The following DGCR2 variants were observed in gnomAD, a reference collection of about 807,000 sequenced individuals.
DGCR2 encodes integral membrane protein DGCR2/IDD.
Under a neutral mutation model 51.6 loss-of-function variants are expected in DGCR2, and 24 were observed. The ratio of observed to expected loss-of-function variants is 0.47; its 90% CI spans 0.34 to 0.65. The LOEUF is 0.65. DGCR2 is among the 30% of genes least tolerant of loss of function. DGCR2 has a pLI of 0.01. For synonymous variants in DGCR2, 340 were observed against 315.4 expected, an observed-to-expected ratio of 1.08 and a Z score of -0.82; for missense variants, 765 against 772.1, an observed-to-expected ratio of 0.99 and a Z score of 0.11.
At chr22:19,120,072 A>G (rs1294130990) in intron 1 of DGCR2, among the ~76,000 whole-genome samples, 2 of 152,176 alleles carry the variant, frequency 1.3e-5, no homozygotes, top group African/African-American at 4.8e-5. Context: ...TGAATGTGTG[A>G]AGAGGCACAC....
intron 2 of DGCR2, among the ~76,000 whole-genome samples, chr22:19,075,413 C>CT (rs2082864192): frequency 6.6e-6 from 1 of 151,680 alleles, no homozygotes; most frequent in African/African-American, 2.4e-5. Context: ...TGCCACTGCA[C>CT]TCCAGCCTGG....
At chr22:19,041,408 T>A in intron 8 of DGCR2, 114 bp from the exon 9 acceptor site, 3 of 996,510 alleles carry the variant, frequency 3.0e-6, no homozygotes, top group South Asian at 3.0e-5. Flanking sequence ...TGCACACACC[T>A]GTGCCCCGCT....
chr22:19,092,356 A>C (rs569585010), intron 1 of DGCR2, among the ~76,000 whole-genome samples: 12 of 151,864 alleles, frequency 7.9e-5, no homozygotes, highest in Non-Finnish European at 1.5e-4. Flanking sequence ...AAAAAAAAAA[A>C]TACTACTATC....
At chr22:19,064,137 TG>T (rs1380846402) in intron 4 of DGCR2, among the ~76,000 whole-genome samples, 1 of 152,212 alleles carries the variant, frequency 6.6e-6, no homozygotes, top group Non-Finnish European at 1.5e-5. Flanking sequence ...AGCCTAGAGA[TG>T]CCCATCAGCA....
chr22:19,050,792 A>AG (rs1247188151), intron 6 of DGCR2, among the ~76,000 whole-genome samples: 2 of 152,254 alleles, frequency 1.3e-5, no homozygotes, highest in Non-Finnish European at 2.9e-5. Flanking sequence ...AACATGTCCT[A>AG]GACTTAAATG....
intron 1 of DGCR2, among the ~76,000 whole-genome samples, chr22:19,090,690 T>C (rs558836146): frequency 1.3e-5 from 2 of 152,210 alleles, no homozygotes; most frequent in South Asian, 2.1e-4. Context: ...AAACTACAGG[T>C]AAAGTGGTCC....
At chr22:19,081,370 A>G (rs2082934790) in intron 2 of DGCR2, among the ~76,000 whole-genome samples, 1 of 152,234 alleles carries the variant, frequency 6.6e-6, no homozygotes, top group East Asian at 1.9e-4. Context: ...TATAAGTAAT[A>G]TAACGATCTG....
chr22:19,074,597 G>T (rs2082853929), intron 2 of DGCR2, among the ~76,000 whole-genome samples: 1 of 151,994 alleles, frequency 6.6e-6, no homozygotes, highest in South Asian at 2.1e-4. Flanking sequence ...GGAATTTAAA[G>T]ACACACAGAT....
At chr22:19,044,464 A>C (rs1275769928) in intron 7 of DGCR2, among the ~76,000 whole-genome samples, 1 of 152,250 alleles carries the variant, frequency 6.6e-6, no homozygotes, top group Admixed American at 6.5e-5. Context: ...GGGGAGCAGA[A>C]GGTCAGCAGG....
At chr22:19,103,284 T>TA (rs361955) in intron 1 of DGCR2, among the ~76,000 whole-genome samples, 26,080 of 134,574 alleles carry the variant, frequency 0.19, 2,369 homozygotes, top group South Asian at 0.31. Flanking sequence ...TTTGGGATGA[T>TA]AAAAAAAAAA....
chr22:19,081,790 C>T (rs1179082723), intron 2 of DGCR2, among the ~76,000 whole-genome samples: 2 of 152,240 alleles, frequency 1.3e-5, no homozygotes, highest in Non-Finnish European at 2.9e-5. Context: ...AAAATTTCCA[C>T]ACTATCCATA....
chr22:19,120,538 T>C (rs974983850), intron 1 of DGCR2, among the ~76,000 whole-genome samples: 1 of 152,120 alleles, frequency 6.6e-6, no homozygotes, highest in African/African-American at 2.4e-5. Context: ...TGCTGGCCAG[T>C]TGGCAGGCTA....
Position 19,041,118 on chromosome 22 carries a change from C to A in DGCR2, c.1336G>T (p.Asp446Tyr). ...YKYPDIGQPDDPPPPYEASIH... is the reference protein window; with the variant it reads ...YKYPDIGQPDYPPPPYEASIH... ...GAGGCCTCGTAGGGCGGCGGAGGGT[C>A]GTCGGGCTGGCCGATGTCCGGGTAC... is the stretch of plus-strand genomic sequence containing the variant. The change falls in exon 9 of 10, where the codon GAC (aspartate) becomes TAC (tyrosine). Residue 446 changes from aspartate (D) to tyrosine (Y), a missense_variant. By Grantham distance (160) the Asp-to-Tyr change is radical (BLOSUM62 -3). Around this residue, in one of 3 missense-constraint regions of DGCR2, gnomAD observed 205 missense variants for 181.4 expected, o/e 1.13. Transcript: ENST00000263196. The A allele has an allele frequency of 6.2e-7, 1 of 1,613,642 alleles. No homozygotes were observed.
rs750199053 is a variant in DGCR2, at chr22:19,057,053, C to A, written c.735G>T (p.Arg245=). 1.1e-5 allele frequency: 17 copies of A among 1,598,772 alleles called. No homozygotes were observed. In the Middle Eastern group the frequency reaches 6.6e-4, roughly 62 times the overall value. The change falls in exon 6 of 10, where the codon CGG becomes CGT. Residue 245 remains arginine, a synonymous_variant. Transcript: ENST00000263196. This position sits in a 1 kb window ranked among gnomAD's most constrained non-coding sequence, Gnocchi z 5.1. The part of the protein sequence containing the change: ...QLQCFHFPTL[R]HHDLHSWHAE... ...CGTGCCAGCTGTGGAGGTCGTGGTG[C>A]CGCAGGGTGGGGAAATGGAAGCACT...
chr22:19,122,075 C>A, intron 1 of DGCR2, 53 bp downstream of exon 1: 4 of 1,373,594 alleles, frequency 2.9e-6, no homozygotes, highest in African/African-American at 1.5e-5. Context: ...CCCGGGGCGA[C>A]CCCGGCCCCG....
chr22:19,066,684 G>C (rs921454358), intron 3 of DGCR2, among the ~76,000 whole-genome samples: 1 of 152,224 alleles, frequency 6.6e-6, no homozygotes, highest in Non-Finnish European at 1.5e-5. Context: ...GAGGGAAGGA[G>C]ACATCCCAGG....
chr22:19,092,727 A>T (rs919254714), intron 1 of DGCR2, among the ~76,000 whole-genome samples: 8 of 152,226 alleles, frequency 5.3e-5, no homozygotes, highest in African/African-American at 1.9e-4. Context: ...AAAATAAGAA[A>T]TACTTAGGTA....
At chr22:19,070,374 G>A (rs1047177249) in intron 2 of DGCR2, among the ~76,000 whole-genome samples, 1 of 152,214 alleles carries the variant, frequency 6.6e-6, no homozygotes, top group Non-Finnish European at 1.5e-5. Context: ...AGGCCTGAGT[G>A]TGGCTGGAGA....
rs55877455 is a variant in DGCR2 at position 19,103,416 on chromosome 22, CTTTTTTTTTTT to C, written c.80-13937_80-13927del. Among the ~76,000 whole-genome samples, 129 of 67,732 alleles carry C rather than the reference CTTTTTTTTTTT, an allele frequency of 1.9e-3. 1 individual carries two copies. The highest frequency in any genetic ancestry group is 5.9e-3 in the African/African-American group (121 of 20,352). The allele number at this position is 67,732 out of a possible 152,430, so 44.4% of individuals were successfully genotyped here. On this transcript the variant is annotated intron_variant, in intron 1 of 9. Coordinates refer to ENST00000263196, the MANE Select transcript of DGCR2 (RefSeq NM_005137.3). ...GTATTTTACCACAATAAAAAAAGTT[CTTTTTTTTTTT>C]TTTTTTTTTTTTTTTTTTTTTGAGC...
Sources: allele counts gnomAD v4.1 joint callset (sites outside exome capture counted in the v4.1 genomes callset), GRCh38; gene constraint gnomAD v4.1.1; regional missense constraint gnomAD v4.1.1; non-coding constraint Gnocchi (gnomAD v3.1); transcripts MANE v1.5; gene names NCBI Gene and HGNC (gene_info 2026-07-23, HGNC 2026-07-21).